The following CDH20 variants were observed in gnomAD, a reference collection of about 807,000 sequenced individuals.
CDH20 encodes the protein cadherin 20, also known as cadherin-20.
CDH20 carries 29 observed loss-of-function variants against 74.2 expected under a neutral mutation model. The ratio of observed to expected loss-of-function variants is 0.39; its 90% CI spans 0.29 to 0.53. CDH20 has a LOEUF of 0.53. Among genes scored for constraint, CDH20 ranks in the 20% least tolerant of loss-of-function variants. The probability of loss-of-function intolerance (pLI) is 0.69; values close to 1 mark genes in which losing one functional copy is unlikely to be tolerated. For missense variants in CDH20, 988 were observed against 1,048.3 expected, an observed-to-expected ratio of 0.94 and a Z score of 0.79; for synonymous variants, 469 against 405.4, an observed-to-expected ratio of 1.16 and a Z score of -1.88.
At chr18:61,474,899 A>G (rs1910314113) in intron 1 of CDH20, among the ~76,000 whole-genome samples, 1 of 152,166 alleles carries the variant, frequency 6.6e-6, no homozygotes, top group Admixed American at 6.5e-5. Flanking sequence ...GAGCAAAAAC[A>G]TGAAGAAGGT....
At chr18:61,347,559 C>CAAAA (rs1910170893) in intron 1 of CDH20, among the ~76,000 whole-genome samples, 1 of 151,330 alleles carries the variant, frequency 6.6e-6, no homozygotes, top group Admixed American at 6.6e-5. Flanking sequence ...ACCACACACA[C>CAAAA]ACACAAAAAC....
In CDH20 at chr18:61,545,056, A is replaced by G; in HGVS notation, c.1560A>G (p.Gln520=). The G allele has an allele frequency of 6.2e-7, 1 of 1,613,746 alleles. No individual in the cohort carries two copies. Among genetic ancestry groups the G allele is most frequent in the East Asian group, 2.2e-5 (1 of 44,858 alleles). ...TCCAGACAGTGAGTGCGGTGGACCA[A>G]GATGACCCACGCAATGGTCAGCATT... ...QLIQTVSAVD[Q]DDPRNGQHFY... Residue 520 remains glutamine, a synonymous_variant, in exon 10 of 12, where the codon CAA becomes CAG. Transcript: ENST00000262717.
At chr18:61,371,199 A>G (rs1298069988) in intron 1 of CDH20, among the ~76,000 whole-genome samples, 4 of 152,074 alleles carry the variant, frequency 2.6e-5, no homozygotes, top group Admixed American at 6.6e-5. Flanking sequence ...AACCTGCTGT[A>G]TTTTCAAACT....
At chr18:61,435,797 C>T (rs2144307065) in intron 1 of CDH20, among the ~76,000 whole-genome samples, 1 of 151,172 alleles carries the variant, frequency 6.6e-6, no homozygotes, top group South Asian at 2.1e-4. Flanking sequence ...TATATAATTC[C>T]CCCATTTAAA....
At chr18:61,450,433 CAA>C (rs1909346521) in intron 1 of CDH20, among the ~76,000 whole-genome samples, 1 of 149,822 alleles carries the variant, frequency 6.7e-6, no homozygotes, top group South Asian at 2.1e-4. Flanking sequence ...TGAGAACTTT[CAA>C]AGAGATACCC....
intron 1 of CDH20, among the ~76,000 whole-genome samples, chr18:61,411,215 A>T (rs969974769): frequency 6.6e-6 from 1 of 151,280 alleles, no homozygotes; most frequent in African/African-American, 2.4e-5. Flanking sequence ...AAAAAAATGT[A>T]TATGGCAAGA....
intron 1 of CDH20, among the ~76,000 whole-genome samples, chr18:61,432,002 C>A (rs1373386977): frequency 6.6e-6 from 1 of 151,866 alleles, no homozygotes; most frequent in Admixed American, 6.6e-5. Flanking sequence ...TTTGGGATGT[C>A]GAGGCGGGCA....
At chr18:61,390,250 C>A (rs1911734394) in intron 1 of CDH20, among the ~76,000 whole-genome samples, 1 of 152,128 alleles carries the variant, frequency 6.6e-6, no homozygotes, top group Non-Finnish European at 1.5e-5. Flanking sequence ...CATCTAGAAC[C>A]ATATAGTGAT....
At chr18:61,444,007 C>T (rs368887362) in intron 1 of CDH20, among the ~76,000 whole-genome samples, 1 of 152,046 alleles carries the variant, frequency 6.6e-6, no homozygotes, top group African/African-American at 2.4e-5. Flanking sequence ...TGTCTGGACC[C>T]GTTACTCTTT....
chr18:61,545,038 A>C lies in CDH20; in HGVS notation c.1542A>C (p.Thr514=). ...TGTCCCTCCCTCAGCTGATCCAGAC[A>C]GTGAGTGCGGTGGACCAAGATGACC... ...ENAKAGQLIQ[T]VSAVDQDDPR... is the part of the protein sequence containing the mutation. Residue 514 remains threonine, a synonymous_variant, in exon 10 of 12, where the codon ACA becomes ACC. Coordinates refer to ENST00000262717, the MANE Select transcript of CDH20 (RefSeq NM_031891.4). 6.2e-7 allele frequency: 1 copy of C among 1,612,128 alleles called. No individual in the cohort carries two copies. The highest frequency in any genetic ancestry group is 8.5e-7 in the Non-Finnish European group (1 of 1,178,226).
chr18:61,432,424 G>C (rs1007178581), intron 1 of CDH20, among the ~76,000 whole-genome samples: 3 of 151,874 alleles, frequency 2.0e-5, no homozygotes, highest in Non-Finnish European at 2.9e-5. Context: ...AGTTAAACAG[G>C]GTACTTTTTT....
intron 6 of CDH20, among the ~76,000 whole-genome samples, chr18:61,522,675 C>T (rs1912253522): frequency 6.6e-6 from 1 of 152,136 alleles, no homozygotes; most frequent in South Asian, 2.1e-4. Context: ...TAGTACAAGA[C>T]TACAGTAACC....
At chr18:61,415,963 G>C (rs1212572595) in intron 1 of CDH20, among the ~76,000 whole-genome samples, 1 of 151,688 alleles carries the variant, frequency 6.6e-6, no homozygotes, top group Non-Finnish European at 1.5e-5. Flanking sequence ...ATTTTAGTCT[G>C]CTTAGCCTAA....
chr18:61,443,211 C>G (rs915471855), intron 1 of CDH20, among the ~76,000 whole-genome samples: 4 of 152,062 alleles, frequency 2.6e-5, no homozygotes, highest in African/African-American at 9.7e-5. Flanking sequence ...GTTTTGAAAT[C>G]AAATGCCTCT....
chr18:61,523,225 A>C (rs1429298741), intron 6 of CDH20, among the ~76,000 whole-genome samples: 2 of 151,316 alleles, frequency 1.3e-5, no homozygotes, highest in African/African-American at 4.8e-5. Flanking sequence ...AAGAAAAAAA[A>C]AAACAAACAA....
At chr18:61,470,533 C>T (rs1910129589) in intron 1 of CDH20, among the ~76,000 whole-genome samples, 1 of 151,654 alleles carries the variant, frequency 6.6e-6, no homozygotes, top group African/African-American at 2.4e-5. Context: ...TGTATTCAGC[C>T]ATGTATAGAC....
chr18:61,406,628 G>C (rs943011576), intron 1 of CDH20, among the ~76,000 whole-genome samples: 1 of 152,236 alleles, frequency 6.6e-6, no homozygotes, highest in Non-Finnish European at 1.5e-5. Context: ...CCCTGGAAGG[G>C]GTGGCTTCCT....
intron 1 of CDH20, among the ~76,000 whole-genome samples, chr18:61,403,301 T>C (rs570578796): frequency 3.3e-5 from 5 of 152,354 alleles, no homozygotes; most frequent in South Asian, 2.1e-4. Context: ...CATTGAATCA[T>C]GTAGGCAATT....
intron 1 of CDH20, among the ~76,000 whole-genome samples, chr18:61,398,868 G>T (rs138756935): frequency 6.6e-6 from 1 of 152,290 alleles, no homozygotes; most frequent in East Asian, 1.9e-4. Flanking sequence ...TTTACTGTGG[G>T]AAGATCTGGC....
Sources: allele counts gnomAD v4.1 joint callset (sites outside exome capture counted in the v4.1 genomes callset), GRCh38; gene constraint gnomAD v4.1.1; transcripts MANE v1.5; gene names NCBI Gene and HGNC (gene_info 2026-07-23, HGNC 2026-07-21).